VWA3B: variants seen among roughly 807,000 people sequenced by gnomAD.
VWA3B encodes the protein von Willebrand factor A domain containing 3B, also known as von Willebrand factor A domain-containing protein 3B.
Under a neutral mutation model 158.3 loss-of-function variants are expected in VWA3B, and 138 were observed. The ratio of observed to expected loss-of-function variants is 0.87; its 90% confidence interval spans 0.76 to 1.00. The LOEUF (loss-of-function observed/expected upper bound fraction) is 1.00, where lower values mean the gene tolerates loss of function less well. Ranked by LOEUF, VWA3B falls within the 50% of genes least tolerant of loss-of-function variation. VWA3B has a pLI of 0.00. For missense variants in VWA3B, 1,555 were observed against 1,565.1 expected, an observed-to-expected ratio of 0.99 and a Z score of 0.11; for synonymous variants, 596 against 587.3, an observed-to-expected ratio of 1.01 and a Z score of -0.21.
At position 98,290,524 on chromosome 2, in the gene VWA3B, A is replaced by G. The variant is rs1689424527; in HGVS notation, c.3059A>G (p.Gln1020Arg). Residue 1020 changes from glutamine (Q) to arginine (R), a missense_variant, in exon 23 of 28, where the codon CAA becomes CGA. Transcript: ENST00000477737. ...TGTCTTTTTCAGCAACAGAAATTGC[A>G]AGGAAATCCAACAAAGAAAACCAAA... ...NKAPGEQQKL[Q>R]GNPTKKTKSK... The G allele has an allele frequency of 2.5e-6, 4 of 1,578,132 alleles. No homozygotes were observed. Among genetic ancestry groups the G allele is most frequent in the Non-Finnish European group, 2.6e-6 (3 of 1,170,152 alleles).
At chr2:98,102,540 C>T (rs541518233) in intron 2 of VWA3B, among the ~76,000 whole-genome samples, 41 of 152,148 alleles carry the variant, frequency 2.7e-4, no homozygotes, top group African/African-American at 8.2e-4. Flanking sequence ...CAGGCAGAGG[C>T]GCTCCTCACT....
chr2:98,188,225 C>T, intron 10 of VWA3B, 96 bp downstream of exon 10: 2 of 1,468,756 alleles, frequency 1.4e-6, no homozygotes, highest in Non-Finnish European at 1.8e-6. Flanking sequence ...TTAGTTGACA[C>T]ATAATGATTG....
intron 13 of VWA3B, among the ~76,000 whole-genome samples, chr2:98,213,074 A>G (rs912067107): frequency 6.6e-6 from 1 of 152,220 alleles, no homozygotes; most frequent in Non-Finnish European, 1.5e-5. Flanking sequence ...GGCAGGTTCC[A>G]GCGAGGCGGG....
In VWA3B at chr2:98,300,871, C is replaced by A. The variant is rs560334380; in HGVS notation, c.3420+655C>A. 3.3e-5 allele frequency among the ~76,000 whole-genome samples: 5 copies of A among 152,280 alleles called. No individual in the cohort carries two copies. The East Asian group carries it at 9.6e-4, about 29-fold the overall frequency. ...CTGTGTCCCCTGTATTGGGGTGCTA[C>A]TACCTGGTTCCCCATCTCCTACTTA... On this transcript the variant is annotated intron_variant, in intron 25 of 27. Transcript: ENST00000477737.
intron 21 of VWA3B, among the ~76,000 whole-genome samples, chr2:98,267,495 A>G (rs928266958): frequency 6.6e-6 from 1 of 152,158 alleles, no homozygotes; most frequent in African/African-American, 2.4e-5. Context: ...AACCAACGAG[A>G]ACAAAGACAC....
downstream of VWA3B, among the ~76,000 whole-genome samples, chr2:98,314,667 C>T (rs1691050743): frequency 6.6e-6 from 1 of 152,198 alleles, no homozygotes. Flanking sequence ...CAATGTCTGA[C>T]ATCCAATCAA....
intron 19 of VWA3B, among the ~76,000 whole-genome samples, chr2:98,239,749 T>TTTATGTATC (rs1685952897): frequency 7.9e-5 from 12 of 151,858 alleles, no homozygotes; most frequent in African/African-American, 2.7e-4. Flanking sequence ...CCGTCTGTAC[T>TTTATGTATC]AAAAATACAA....
intron 8 of VWA3B, among the ~76,000 whole-genome samples, chr2:98,171,620 A>G (rs1000117908): frequency 1.3e-4 from 20 of 152,186 alleles, no homozygotes; most frequent in Admixed American, 1.2e-3. Context: ...TCAATTTCAT[A>G]CCAATGGCCA....
intron 12 of VWA3B, among the ~76,000 whole-genome samples, chr2:98,209,324 A>T (rs1437974171): frequency 6.6e-6 from 1 of 152,050 alleles, no homozygotes; most frequent in Non-Finnish European, 1.5e-5. Context: ...ACTGTCGCCC[A>T]GGCTAGAGTG....
intron 7 of VWA3B, among the ~76,000 whole-genome samples, chr2:98,148,937 C>T (rs1415348472): frequency 2.6e-5 from 4 of 152,184 alleles, no homozygotes; most frequent in Admixed American, 6.5e-5. Flanking sequence ...TCCAAATAAA[C>T]GTTCATCTTG....
At chr2:98,093,382 C>A in intron 2 of VWA3B, 94 bp downstream of exon 2, 2 of 1,329,280 alleles carry the variant, frequency 1.5e-6, no homozygotes, top group Non-Finnish European at 2.1e-6. Context: ...AACCACAGGT[C>A]TCTGAGCTTG....
At chr2:98,326,281 G>A in the VWA3B span, among the ~76,000 whole-genome samples, 2 of 151,984 alleles carry the variant, frequency 1.3e-5, no homozygotes, top group South Asian at 4.1e-4. Flanking sequence ...ACTATTTCCT[G>A]AAAATTCAAA....
At position 98,236,719 on chromosome 2, in the gene VWA3B, G is replaced by C; in HGVS notation, c.2662G>C (p.Val888Leu). The change falls in exon 19 of 28, where the codon GTC (valine) becomes CTC (leucine). Residue 888 changes from valine to leucine, a missense_variant. Transcript: ENST00000477737. ...CCTGGACAAGCATGTCGTGTCTAAG[G>C]TCTTTGATGAGGTAAACTGATTGTC... ...PVLDKHVVSK[V>L]FDEVFPLAHV... The C allele has an allele frequency of 6.2e-7, 1 of 1,613,062 alleles. No individual in the cohort carries two copies. Among genetic ancestry groups the C allele is most frequent in the East Asian group, 2.2e-5 (1 of 44,882 alleles).
rs533366074 is a variant in VWA3B, at chr2:98,144,417, T to C, written c.988+10478T>C. On this transcript the variant is annotated intron_variant, in intron 7 of 27. Coordinates refer to ENST00000477737, the MANE Select transcript of VWA3B (RefSeq NM_144992.5). ...TTTTTAGTTCTATCACTAAATATAT[T>C]GTACTCAGTTCCCAATTCGAGTCCA... Among the ~76,000 whole-genome samples the C allele has an allele frequency of 2.6e-5, 4 of 152,242 alleles. No individual in the cohort carries two copies. In the South Asian group the frequency reaches 8.3e-4, roughly 32 times the overall value.
At chr2:98,308,111 T>A (rs982257693) in intron 26 of VWA3B, among the ~76,000 whole-genome samples, 15 of 152,182 alleles carry the variant, frequency 9.9e-5, no homozygotes, top group African/African-American at 3.6e-4. Flanking sequence ...AGACTTTTTT[T>A]AAAAAAACAA....
At chr2:98,328,192 A>C in the VWA3B span, among the ~76,000 whole-genome samples, 1 of 152,058 alleles carries the variant, frequency 6.6e-6, no homozygotes, top group South Asian at 2.1e-4. Flanking sequence ...ATCAGTCCCC[A>C]AATCCCTCGA....
intron 14 of VWA3B, among the ~76,000 whole-genome samples, chr2:98,226,700 A>G (rs1684937612): frequency 1.3e-5 from 2 of 150,952 alleles, no homozygotes; most frequent in Middle Eastern, 3.4e-3. Flanking sequence ...TCTAGAATAT[A>G]TGAAGAACTC....
chr2:98,274,664 T>G (rs1280337708), intron 22 of VWA3B, among the ~76,000 whole-genome samples: 1 of 152,196 alleles, frequency 6.6e-6, no homozygotes, highest in Non-Finnish European at 1.5e-5. Context: ...CAGGAACTTA[T>G]GCCTGTAGGA....
chr2:98,208,422 T>G (rs185492147), intron 12 of VWA3B, among the ~76,000 whole-genome samples: 11 of 152,288 alleles, frequency 7.2e-5, no homozygotes, highest in Admixed American at 4.6e-4. Flanking sequence ...GTGTGTCTCC[T>G]CTGTTTCTCA....
Sources: allele counts gnomAD v4.1 joint callset (sites outside exome capture counted in the v4.1 genomes callset), GRCh38; gene constraint gnomAD v4.1.1; transcripts MANE v1.5; gene names NCBI Gene and HGNC (gene_info 2026-07-23, HGNC 2026-07-21).